ITPKB: variants seen among roughly 807,000 people sequenced by gnomAD.
The protein encoded by ITPKB is IP3 3-kinase B.
In ITPKB, 13 loss-of-function variants were observed where a neutral mutation model predicts 69.4. That is an observed-to-expected ratio of 0.19 (90% CI 0.12 to 0.30). The LOEUF (loss-of-function observed/expected upper bound fraction) is 0.30, where lower values mean the gene tolerates loss of function less well. Ranked by LOEUF, ITPKB falls within the 10% of genes least tolerant of loss-of-function variation. The probability of loss-of-function intolerance (pLI) is 1.00; values close to 1 mark genes in which losing one functional copy is unlikely to be tolerated. For missense variants in ITPKB, 1,240 were observed against 1,250.5 expected (o/e 0.99, Z 0.13); for synonymous variants, 584 against 513.7 (o/e 1.14, Z -1.85).
At chr1:226,647,673 C>T (rs1369648184) in intron 3 of ITPKB, among the ~76,000 whole-genome samples, 2 of 152,250 alleles carry the variant, frequency 1.3e-5, no homozygotes, top group Non-Finnish European at 2.9e-5. Context: ...GGTGCCACGA[C>T]CCAGTCATTC....
chr1:226,737,596 T>C lies in ITPKB; in HGVS notation c.-138A>G. 1 of 1,170,516 alleles carries C rather than the reference T, an allele frequency of 8.5e-7. No homozygotes were observed. Among genetic ancestry groups the C allele is most frequent in the Non-Finnish European group, 1.1e-6 (1 of 950,632 alleles). 72.5% of individuals were successfully genotyped at this position (1,170,516 alleles called of 1,614,324 possible). ...CGCGCGCAGATGGGGCGGCATGGCC[T>C]GGGCAGCGGGCTGGGGGCACGACCG... is the stretch of plus-strand genomic sequence containing the variant. On this transcript the variant is annotated 5_prime_UTR_variant, in exon 2 of 8. Coordinates refer to ENST00000429204, the MANE Select transcript of ITPKB (RefSeq NM_002221.4).
At chr1:226,644,633 G>A (rs908113388) in intron 4 of ITPKB, among the ~76,000 whole-genome samples, 1 of 152,224 alleles carries the variant, frequency 6.6e-6, no homozygotes, top group African/African-American at 2.4e-5. Flanking sequence ...ACGTGCAGAC[G>A]CCACCAGCAA....
chr1:226,667,067 C>T (rs184881631), intron 2 of ITPKB, among the ~76,000 whole-genome samples: 4 of 152,174 alleles, frequency 2.6e-5, no homozygotes, highest in African/African-American at 4.8e-5. Context: ...CTTTACCATG[C>T]GCAATTATCA....
At chr1:226,640,148 A>G (rs1445554710) in intron 5 of ITPKB, among the ~76,000 whole-genome samples, 1 of 151,950 alleles carries the variant, frequency 6.6e-6, no homozygotes, top group African/African-American at 2.4e-5. Context: ...TTTATAATCT[A>G]CCATCTCTTC....
At chr1:226,670,545 A>G (rs560452478) in intron 2 of ITPKB, among the ~76,000 whole-genome samples, 10 of 152,378 alleles carry the variant, frequency 6.6e-5, no homozygotes, top group African/African-American at 2.2e-4. Flanking sequence ...TTCAGTCCTT[A>G]ACTATCAGGG....
rs764287451 is a variant in ITPKB, at chr1:226,736,685, C to T, written c.774G>A (p.Glu258=). ...AQGPSAFVRM[E]KGIPASPRCG... is the part of the protein sequence containing the mutation. The stretch of plus-strand genomic sequence containing the variant: ...AGCGGGGACTGGCAGGGATACCCTT[C>T]TCCATCCTTACAAAAGCGGATGGAC... Residue 258 remains glutamate, a synonymous_variant, in exon 2 of 8, where the codon GAG becomes GAA. Transcript: ENST00000429204. 3.1e-6 allele frequency: 5 copies of T among 1,613,062 alleles called. No individual in the cohort carries two copies. In the Admixed American group the frequency reaches 6.7e-5, roughly 21 times the overall value.
intron 2 of ITPKB, among the ~76,000 whole-genome samples, chr1:226,698,123 G>T (rs1446528864): frequency 6.6e-6 from 1 of 152,206 alleles, no homozygotes; most frequent in Non-Finnish European, 1.5e-5. Flanking sequence ...GGGGCCAAGG[G>T]GAATCACCCA....
Position 226,735,675 on chromosome 1 carries a change from A to G in ITPKB, c.1784T>C (p.Leu595Pro). 1.2e-6 allele frequency: 2 copies of G among 1,609,226 alleles called. No homozygotes were observed. Among genetic ancestry groups the G allele is most frequent in the Non-Finnish European group, 1.7e-6 (2 of 1,177,354 alleles). Residue 595 changes from leucine to proline, a missense_variant, in exon 2 of 8, where the codon CTG becomes CCG. Around this residue, in one of 2 missense-constraint regions of ITPKB, gnomAD observed 992 missense variants for 853.8 expected, o/e 1.16. Transcript: ENST00000429204. Reference protein sequence around the residue: ...TQGSPRGNLPLRKLSSSSASS... With the variant: ...TQGSPRGNLPPRKLSSSSASS... The stretch of plus-strand genomic sequence containing the variant: ...GGCCGAGGAAGAGGACAGTTTCCTC[A>G]GGGGCAGGTTGCCCCGAGGGCTTCC...
chr1:226,710,137 G>A (rs139668920), intron 2 of ITPKB, among the ~76,000 whole-genome samples: 2 of 152,270 alleles, frequency 1.3e-5, no homozygotes, highest in African/African-American at 4.8e-5. Flanking sequence ...GTGCTAACAG[G>A]TAGCATTGGA....
intron 2 of ITPKB, among the ~76,000 whole-genome samples, chr1:226,722,351 G>C (rs1213932647): frequency 6.6e-6 from 1 of 152,154 alleles, no homozygotes; most frequent in Non-Finnish European, 1.5e-5. Flanking sequence ...GAAAATCTAG[G>C]CCAGTTCAAA....
intron 2 of ITPKB, chr1:226,656,581 A>G (rs1669293459): frequency 6.6e-6 from 1 of 152,282 alleles, no homozygotes; most frequent in South Asian, 2.1e-4. Context: ...TGATTTGGCC[A>G]GGCCCATAGT....
Position 226,737,448 on chromosome 1 carries a change from T to C in ITPKB, c.11A>G (p.Tyr4Cys). ...CACCAGGCTATTGAGCGCATAGCAG[T>C]ACACAGCCATAGTACTGGGTCCCGC... is the stretch of plus-strand genomic sequence containing the variant. MAVYCYALNSLVIM... is the reference protein window; with the variant it reads MAVCCYALNSLVIM... The change falls in exon 2 of 8, where the codon TAC (tyrosine) becomes TGC (cysteine). Residue 4 changes from tyrosine to cysteine, a missense_variant. Physicochemically the swap from Tyr to Cys is radical, Grantham distance 194 (BLOSUM62 -2). Transcript: ENST00000429204. 6.2e-7 allele frequency: 1 copy of C among 1,610,384 alleles called. No homozygotes were observed. Among genetic ancestry groups the C allele is most frequent in the Non-Finnish European group, 8.5e-7 (1 of 1,179,294 alleles).
chr1:226,739,100 G>A lies in ITPKB; in HGVS notation c.-265C>T, dbSNP rs1657912246. 6.6e-6 allele frequency: 1 copy of A among 152,190 alleles called. No homozygotes were observed. Among genetic ancestry groups the A allele is most frequent in the Non-Finnish European group, 1.5e-5 (1 of 68,030 alleles). The allele number at this position is 152,190 out of a possible 1,614,324, so 9.4% of individuals were successfully genotyped here. A position where few individuals can be genotyped will look rare whatever the true frequency, so the allele number is the denominator to read the frequency against. On this transcript the variant is annotated 5_prime_UTR_variant, in exon 1 of 8. It adds an upstream start codon to the 5' untranslated region. Coordinates refer to ENST00000429204, the MANE Select transcript of ITPKB (RefSeq NM_002221.4). Reference sequence around the variant, plus strand: ...CTACATGCCCAGAGGCGCAAACCTCGTAGGGACGAGATGGCTTTAAAAGTA... The same window carrying A: ...CTACATGCCCAGAGGCGCAAACCTCATAGGGACGAGATGGCTTTAAAAGTA...
chr1:226,735,304 A>G (rs1657710344), intron 2 of ITPKB, among the ~76,000 whole-genome samples: 1 of 152,206 alleles, frequency 6.6e-6, no homozygotes, highest in South Asian at 2.1e-4. Context: ...GCATGGAAAT[A>G]GTAGAAAGAC....
rs1047607549 is a variant in ITPKB at position 226,737,668 on chromosome 1, G to A, written c.-205-5C>T. ...GCTCCATAAACAACCGTGCGGCTGTGGAGATACAAGGAGAAAAGTCAGGAC... is the reference window on the plus strand; with the variant it reads ...GCTCCATAAACAACCGTGCGGCTGTAGAGATACAAGGAGAAAAGTCAGGAC... On this transcript the variant is annotated splice_polypyrimidine_tract_variant and splice_region_variant and intron_variant, in intron 1 of 7. Coordinates refer to ENST00000429204, the MANE Select transcript of ITPKB (RefSeq NM_002221.4). 2 of 1,009,236 alleles carry A rather than the reference G, an allele frequency of 2.0e-6. No homozygotes were observed. The highest frequency in any genetic ancestry group is 3.4e-5 in the African/African-American group (2 of 58,256). 62.5% of individuals were successfully genotyped at this position (1,009,236 alleles called of 1,614,324 possible).
chr1:226,659,545 C>G (rs1197631520), intron 2 of ITPKB: 1 of 152,292 alleles, frequency 6.6e-6, no homozygotes, highest in Non-Finnish European at 1.5e-5. Flanking sequence ...CATCCTACCT[C>G]TCCTTCCAGC....
In ITPKB at chr1:226,736,966, G is replaced by T. The variant is rs374302618; in HGVS notation, c.493C>A (p.Arg165Ser). The stretch of plus-strand genomic sequence containing the variant: ...CGAGCCCTGCCCAAACGCGGGCTGC[G>T]GGGCGCTTGAATGGCGGAGCTCTGT... ...QAQSSAIQAP[R>S]SPRLGRARSP... The change falls in exon 2 of 8, where the codon CGC (arginine) becomes AGC (serine). Residue 165 changes from arginine to serine, a missense_variant. Around this residue, in one of 2 missense-constraint regions of ITPKB, gnomAD observed 992 missense variants for 853.8 expected, o/e 1.16. Transcript: ENST00000429204. 11 of 1,612,176 alleles carry T rather than the reference G, an allele frequency of 6.8e-6. No homozygotes were observed. Among genetic ancestry groups the T allele is most frequent in the South Asian group, 1.1e-5 (1 of 91,090 alleles).
rs957624706 is a variant in ITPKB at position 226,637,540 on chromosome 1, G to A, written c.2625+139C>T. The A allele has an allele frequency of 4.4e-6, 3 of 679,240 alleles. No individual in the cohort carries two copies. The highest frequency in any genetic ancestry group is 1.7e-5 in the South Asian group (1 of 58,556). 42.1% of individuals were successfully genotyped at this position (679,240 alleles called of 1,614,324 possible). ...TTGAGACGCAGCTCCCCCGTGCAGC[G>A]AGGGTCTGGTCCCTGATGGCCTGCC... On this transcript the variant is annotated intron_variant, in intron 7 of 7. Transcript: ENST00000429204. The surrounding 1 kb of genome is among the most constrained non-coding windows in gnomAD (Gnocchi z 4.3).
intron 2 of ITPKB, chr1:226,668,809 G>A (rs1006712236): frequency 1.3e-5 from 2 of 152,146 alleles, no homozygotes; most frequent in Non-Finnish European, 2.9e-5. Flanking sequence ...TGATGAATAG[G>A]GAAAGATCAG....
Sources: allele counts gnomAD v4.1 joint callset (sites outside exome capture counted in the v4.1 genomes callset), GRCh38; gene constraint gnomAD v4.1.1; regional missense constraint gnomAD v4.1.1; non-coding constraint Gnocchi (gnomAD v3.1); transcripts MANE v1.5; gene names NCBI Gene and HGNC (gene_info 2026-07-23, HGNC 2026-07-21).